The following GALNT13 variants were observed in gnomAD, a reference collection of about 807,000 sequenced individuals.
GALNT13 encodes polypeptide N-acetylgalactosaminyltransferase 13, also known as UDP-GalNAc:polypeptide N-acetylgalactosaminyltransferase 13.
GALNT13 carries 28 observed loss-of-function variants against 64.2 expected under a neutral mutation model. The ratio of observed to expected loss-of-function variants is 0.44; its 90% CI spans 0.32 to 0.60. The LOEUF is 0.60. Ranked by LOEUF, GALNT13 falls within the 20% of genes least tolerant of loss-of-function variation. The pLI, the probability that GALNT13 is intolerant of heterozygous loss-of-function variation, is 0.05. For missense variants in GALNT13, 577 were observed against 669.8 expected (o/e 0.86, Z 1.53); for synonymous variants, 214 against 224.6 (o/e 0.95, Z 0.42).
At chr2:153,433,238 C>A in the GALNT13 span, among the ~76,000 whole-genome samples, 9 of 152,122 alleles carry the variant, frequency 5.9e-5, no homozygotes, top group African/African-American at 2.2e-4. Flanking sequence ...TCTTGCTACC[C>A]TCATTTAAAA....
intron 8 of GALNT13, among the ~76,000 whole-genome samples, chr2:154,273,776 G>T (rs182260176): frequency 2.0e-5 from 3 of 152,074 alleles, no homozygotes; most frequent in Non-Finnish European, 2.9e-5. Flanking sequence ...ACCTAATGGT[G>T]CATTCCTCAA....
At chr2:153,260,758 G>T in the GALNT13 span, among the ~76,000 whole-genome samples, 1 of 152,100 alleles carries the variant, frequency 6.6e-6, no homozygotes, top group African/African-American at 2.4e-5. Context: ...GAAGTTTTCT[G>T]TTATTATCTA....
chr2:153,402,347 G>A, the GALNT13 span, among the ~76,000 whole-genome samples: 1 of 151,006 alleles, frequency 6.6e-6, no homozygotes, highest in South Asian at 2.1e-4. Flanking sequence ...CTTTCTCTCT[G>A]GCTGCCCTTA....
At chr2:153,398,389 G>C in the GALNT13 span, among the ~76,000 whole-genome samples, 1 of 152,094 alleles carries the variant, frequency 6.6e-6, no homozygotes, top group African/African-American at 2.4e-5. Context: ...ACATACGTGT[G>C]CATGTGTCTT....
the GALNT13 span, among the ~76,000 whole-genome samples, chr2:153,091,769 A>G: frequency 6.6e-6 from 1 of 152,148 alleles, no homozygotes; most frequent in African/African-American, 2.4e-5. Context: ...TAGTTTGCAA[A>G]TAATTTCTCC....
At chr2:153,996,808 A>C (rs1475324955) in intron 3 of GALNT13, among the ~76,000 whole-genome samples, 1 of 152,038 alleles carries the variant, frequency 6.6e-6, no homozygotes, top group African/African-American at 2.4e-5. Flanking sequence ...TACAGGTCTT[A>C]TATTTGAGTC....
the GALNT13 span, among the ~76,000 whole-genome samples, chr2:153,192,513 T>C: frequency 6.6e-6 from 1 of 152,176 alleles, no homozygotes; most frequent in Non-Finnish European, 1.5e-5. Flanking sequence ...GTTAGGGCCA[T>C]TTGGTCTAAA....
At chr2:154,410,983 T>C (rs1273930649) in intron 11 of GALNT13, among the ~76,000 whole-genome samples, 1 of 151,902 alleles carries the variant, frequency 6.6e-6, no homozygotes, top group Non-Finnish European at 1.5e-5. Flanking sequence ...TCCTATATCT[T>C]ACTCCTGTTT....
chr2:153,529,175 T>C, the GALNT13 span, among the ~76,000 whole-genome samples: 3 of 151,750 alleles, frequency 2.0e-5, no homozygotes, highest in Admixed American at 6.6e-5. Flanking sequence ...AACTTTTAGC[T>C]AGACTAAATA....
intron 10 of GALNT13, among the ~76,000 whole-genome samples, chr2:154,404,400 A>G (rs1371225462): frequency 6.6e-6 from 1 of 152,206 alleles, no homozygotes; most frequent in African/African-American, 2.4e-5. Context: ...AACAATTTTG[A>G]CAACAAATTT....
intron 9 of GALNT13, among the ~76,000 whole-genome samples, chr2:154,311,448 G>T (rs1355575786): frequency 6.6e-6 from 1 of 152,138 alleles, no homozygotes; most frequent in Non-Finnish European, 1.5e-5. Context: ...AGTTTCAAAA[G>T]GGGAGGGAGT....
intron 9 of GALNT13, among the ~76,000 whole-genome samples, chr2:154,365,430 T>G (rs1697313936): frequency 2.0e-5 from 3 of 152,172 alleles, no homozygotes; most frequent in Admixed American, 2.0e-4. Context: ...AAAAAGAGAA[T>G]GAAAAACTTT....
At chr2:153,173,756 C>G in the GALNT13 span, among the ~76,000 whole-genome samples, 2 of 152,182 alleles carry the variant, frequency 1.3e-5, no homozygotes, top group Non-Finnish European at 2.9e-5. Context: ...AGTCCCAAAT[C>G]TCATCTAAAC....
the GALNT13 span, among the ~76,000 whole-genome samples, chr2:153,657,089 A>G: frequency 2.6e-5 from 4 of 152,160 alleles, no homozygotes; most frequent in African/African-American, 7.2e-5. Flanking sequence ...TGAGCATCAG[A>G]TCTCTATGAA....
At chr2:153,962,047 C>T (rs1271674994) in intron 3 of GALNT13, among the ~76,000 whole-genome samples, 1 of 152,118 alleles carries the variant, frequency 6.6e-6, no homozygotes. Context: ...CTTGATGTAA[C>T]TTCATTATCA....
At chr2:153,129,756 G>A in the GALNT13 span, among the ~76,000 whole-genome samples, 214 of 150,420 alleles carry the variant, frequency 1.4e-3, 1 homozygote, top group African/African-American at 4.7e-3. Context: ...GTGACAGAGT[G>A]AGACTCTGTC....
chr2:154,220,597 T>A (rs1305733983), intron 4 of GALNT13, among the ~76,000 whole-genome samples: 1 of 152,082 alleles, frequency 6.6e-6, no homozygotes, highest in Non-Finnish European at 1.5e-5. Flanking sequence ...CTTACATATT[T>A]ATATTATGAA....
chr2:153,207,217 T>C, the GALNT13 span, among the ~76,000 whole-genome samples: 891 of 152,244 alleles, frequency 5.9e-3, 10 homozygotes, highest in African/African-American at 0.02. Context: ...TAGTTTTCTC[T>C]AGAGCTTTCT....
chr2:154,308,269 C>G (rs1228768043), intron 9 of GALNT13, among the ~76,000 whole-genome samples: 2 of 152,086 alleles, frequency 1.3e-5, no homozygotes, highest in Non-Finnish European at 2.9e-5. Context: ...AGGTTAACTC[C>G]CTATTCGTTA....
Sources: allele counts gnomAD v4.1 joint callset (sites outside exome capture counted in the v4.1 genomes callset), GRCh38; gene constraint gnomAD v4.1.1; transcripts MANE v1.5; gene names NCBI Gene and HGNC (gene_info 2026-07-23, HGNC 2026-07-21).